Variants in RCSD1 observed in about 807,000 individuals in gnomAD.
The protein encoded by RCSD1 is RCSD domain containing 1.
Under a neutral mutation model 42.5 loss-of-function variants are expected in RCSD1, and 26 were observed. That is an observed-to-expected ratio of 0.61 (90% CI 0.45 to 0.85). The LOEUF (loss-of-function observed/expected upper bound fraction) is 0.85. RCSD1 is among the 40% of genes least tolerant of loss of function. The probability of loss-of-function intolerance (pLI) is 0.00; values close to 1 mark genes in which losing one functional copy is unlikely to be tolerated. For synonymous variants in RCSD1, 220 were observed against 212.2 expected (o/e 1.04, Z -0.32); for missense variants, 571 against 528.3 (o/e 1.08, Z -0.79).
intron 6 of RCSD1, among the ~76,000 whole-genome samples, chr1:167,702,517 A>C (rs575682260): frequency 4.6e-5 from 7 of 152,312 alleles, no homozygotes; most frequent in Admixed American, 2.6e-4. Context: ...GGTGGCTCAC[A>C]CCTGTAATCA....
intron 5 of RCSD1, 42 bp from the exon 6 acceptor site, chr1:167,697,057 T>C: frequency 6.4e-7 from 1 of 1,570,096 alleles, no homozygotes; most frequent in Non-Finnish European, 8.6e-7. Flanking sequence ...TTGGCCTTTT[T>C]TTATGAGTTT....
intron 1 of RCSD1, among the ~76,000 whole-genome samples, chr1:167,650,813 G>A (rs1467377579): frequency 2.0e-5 from 3 of 152,210 alleles, no homozygotes; most frequent in African/African-American, 7.2e-5. Context: ...GGGTAAGGAG[G>A]GGATAAGGAG....
intron 3 of RCSD1, among the ~76,000 whole-genome samples, chr1:167,686,329 TC>T (rs1043367624): frequency 6.6e-6 from 1 of 152,176 alleles, no homozygotes; most frequent in African/African-American, 2.4e-5. Flanking sequence ...ATTCTCCCCT[TC>T]TTTTTTGGGG....
At chr1:167,641,082 A>T (rs998522661) in intron 1 of RCSD1, among the ~76,000 whole-genome samples, 1 of 152,174 alleles carries the variant, frequency 6.6e-6, no homozygotes, top group Non-Finnish European at 1.5e-5. Flanking sequence ...TAGCCCGTAT[A>T]TACAGCTGTG....
At chr1:167,679,075 T>C (rs1042167695) in intron 1 of RCSD1, among the ~76,000 whole-genome samples, 2 of 152,236 alleles carry the variant, frequency 1.3e-5, no homozygotes, top group African/African-American at 4.8e-5. Context: ...TGTTCACTGA[T>C]GTATCTCAGG....
chr1:167,645,730 G>A (rs1256355523), intron 1 of RCSD1, among the ~76,000 whole-genome samples: 5 of 152,194 alleles, frequency 3.3e-5, no homozygotes, highest in African/African-American at 9.7e-5. Context: ...TAGAGTGGAA[G>A]ACCTCTTAAC....
chr1:167,671,573 G>T (rs912311479), intron 1 of RCSD1, among the ~76,000 whole-genome samples: 30 of 152,134 alleles, frequency 2.0e-4, no homozygotes, highest in African/African-American at 7.2e-4. Context: ...AAGATCTTCT[G>T]CCACCTTCTG....
chr1:167,662,638 A>G (rs1254068994), intron 1 of RCSD1, among the ~76,000 whole-genome samples: 1 of 152,182 alleles, frequency 6.6e-6, no homozygotes, highest in Non-Finnish European at 1.5e-5. Flanking sequence ...TCAGCTTGCT[A>G]ATTTGGAATA....
chr1:167,698,945 GC>G (rs1348977907), intron 6 of RCSD1, among the ~76,000 whole-genome samples: 1 of 151,922 alleles, frequency 6.6e-6, no homozygotes, highest in Non-Finnish European at 1.5e-5. Flanking sequence ...GACCACAGGC[GC>G]CCGCCACCAC....
In RCSD1 at chr1:167,630,269, A is replaced by T. The variant is rs1657660485; in HGVS notation, c.-155A>T. On this transcript the variant is annotated 5_prime_UTR_variant, in exon 1 of 7. Coordinates refer to ENST00000367854, the MANE Select transcript of RCSD1 (RefSeq NM_052862.4). ...GCCCCCGCGGCCGGGGCAGTCCCGC[A>T]GCCGAGCGCAGCCGGGCGCGCGCCA... 1 of 518,568 alleles carries T rather than the reference A, an allele frequency of 1.9e-6. No individual in the cohort carries two copies. The highest frequency in any genetic ancestry group is 2.2e-5 in the African/African-American group (1 of 44,554). The allele number at this position is 518,568 out of a possible 1,614,324, so 32.1% of individuals were successfully genotyped here. A position where few individuals can be genotyped will look rare whatever the true frequency, so the allele number is the denominator to read the frequency against.
intron 1 of RCSD1, among the ~76,000 whole-genome samples, chr1:167,634,884 A>G (rs1033655349): frequency 6.6e-5 from 10 of 152,064 alleles, no homozygotes; most frequent in Non-Finnish European, 1.2e-4. Context: ...TTACTTAAAA[A>G]TTATGGAGCT....
At chr1:167,656,217 G>A (rs1337771090) in intron 1 of RCSD1, among the ~76,000 whole-genome samples, 8 of 152,090 alleles carry the variant, frequency 5.3e-5, no homozygotes, top group Non-Finnish European at 5.9e-5. Context: ...GCAAGCGGAG[G>A]ACTTGAACCC....
At chr1:167,678,092 T>A (rs1173740805) in intron 1 of RCSD1, among the ~76,000 whole-genome samples, 3 of 152,142 alleles carry the variant, frequency 2.0e-5, no homozygotes, top group Non-Finnish European at 2.9e-5. Context: ...ACCAGTCCCC[T>A]CACATTGAGA....
rs1389970961 is a variant in RCSD1, at chr1:167,694,217, T to TGC, written c.391_392dup (p.Ser132AspfsTer35). On this transcript the variant is annotated frameshift_variant, in exon 5 of 7. Transcript: ENST00000367854. LOFTEE classifies it high-confidence loss of function. ...CCTTCTACCCCCAGCAGCCCTGGTG[T>TGC]GCGATCTAGGCCCAGCGAGGCAGAG... The TGC allele has an allele frequency of 1.9e-6, 3 of 1,614,186 alleles. No homozygotes were observed. Among genetic ancestry groups the TGC allele is most frequent in the Admixed American group, 1.7e-5 (1 of 60,026 alleles).
intron 6 of RCSD1, among the ~76,000 whole-genome samples, chr1:167,698,567 T>C (rs1447061676): frequency 1.3e-5 from 2 of 152,128 alleles, no homozygotes; most frequent in Non-Finnish European, 2.9e-5. Flanking sequence ...TCTACACCTG[T>C]CTGCTCCCCA....
intron 1 of RCSD1, among the ~76,000 whole-genome samples, chr1:167,651,019 T>G (rs1466572815): frequency 6.6e-6 from 1 of 152,190 alleles, no homozygotes; most frequent in Non-Finnish European, 1.5e-5. Context: ...CTCCATCTTC[T>G]CCCTGTGTCT....
At chr1:167,673,520 T>C (rs1320062022) in intron 1 of RCSD1, among the ~76,000 whole-genome samples, 8 of 152,204 alleles carry the variant, frequency 5.3e-5, no homozygotes, top group Admixed American at 1.3e-4. Flanking sequence ...TGATGGCTGT[T>C]ATCATCTTAG....
intron 6 of RCSD1, among the ~76,000 whole-genome samples, chr1:167,699,044 T>C (rs1246628137): frequency 3.3e-5 from 5 of 152,110 alleles, no homozygotes; most frequent in South Asian, 2.1e-4. Context: ...ATGATCCACC[T>C]GCCTCGGCCT....
At chr1:167,656,328 G>A (rs184620646) in intron 1 of RCSD1, among the ~76,000 whole-genome samples, 162 of 152,166 alleles carry the variant, frequency 1.1e-3, no homozygotes, top group Middle Eastern at 6.8e-3. Flanking sequence ...AAGAACAATG[G>A]TATAATGATA....
Sources: allele counts gnomAD v4.1 joint callset (sites outside exome capture counted in the v4.1 genomes callset), GRCh38; gene constraint gnomAD v4.1.1; transcripts MANE v1.5; gene names NCBI Gene and HGNC (gene_info 2026-07-23, HGNC 2026-07-21).